Variants in ZNF469 observed in about 807,000 individuals in gnomAD.
ZNF469 encodes zinc finger protein 469.
ZNF469 carries 1 observed loss-of-function variant against 1.0 expected under a neutral mutation model. That is an observed-to-expected ratio of 1.00 (90% CI 0.35 to 4.73). ZNF469 has a LOEUF of 4.73. Ranked by LOEUF, ZNF469 falls within the 30% of genes most tolerant of loss-of-function variation. The pLI is 0.16. For missense variants in ZNF469, 6,100 were observed against 5,356.3 expected (o/e 1.14, Z -4.33); for synonymous variants, 2,703 against 2,363.4 (o/e 1.14, Z -4.17).
chr16:88,237,041 A>T, the ZNF469 span, among the ~76,000 whole-genome samples: 1 of 150,310 alleles, frequency 6.7e-6, no homozygotes, highest in Non-Finnish European at 1.5e-5. Flanking sequence ...CTCCAGTTCC[A>T]CTACTGAGAA....
the ZNF469 span, among the ~76,000 whole-genome samples, chr16:88,118,269 C>T: frequency 1.8e-4 from 27 of 152,226 alleles, no homozygotes; most frequent in Non-Finnish European, 3.5e-4. Flanking sequence ...AATCTTGCCT[C>T]GCAGCTTTTA....
Position 88,438,900 on chromosome 16 carries a change from G to C in ZNF469, c.11430G>C (p.Lys3810Asn). 1 of 1,550,586 alleles carries C rather than the reference G, an allele frequency of 6.4e-7. No individual in the cohort carries two copies. Among genetic ancestry groups the C allele is most frequent in the Middle Eastern group, 1.7e-4 (1 of 5,992 alleles). ...ACGGGAGCCTAGGTCCCAAGGAGAA[G>C]GGAGAGAGCAGTACGAAGAGGAAAA... The part of the protein sequence containing the change: ...GPHGSLGPKE[K>N]GESSTKRKKG... The change falls in exon 3 of 3, where the codon AAG (lysine) becomes AAC (asparagine). Residue 3810 changes from lysine (K) to asparagine (N), a missense_variant. Coordinates refer to ENST00000565624, the MANE Select transcript of ZNF469 (RefSeq NM_001367624.2).
chr16:88,348,011 C>T, the ZNF469 span, among the ~76,000 whole-genome samples: 1 of 152,260 alleles, frequency 6.6e-6, no homozygotes, highest in South Asian at 2.1e-4. Flanking sequence ...TGCACCCCCA[C>T]GTCCTCCTCG....
the ZNF469 span, among the ~76,000 whole-genome samples, chr16:88,312,021 A>G: frequency 6.6e-6 from 1 of 152,224 alleles, no homozygotes; most frequent in African/African-American, 2.4e-5. Context: ...GAGGCCTCAC[A>G]TTCATGGCAG....
At chr16:88,108,813 A>G in the ZNF469 span, among the ~76,000 whole-genome samples, 1 of 152,152 alleles carries the variant, frequency 6.6e-6, no homozygotes, top group Non-Finnish European at 1.5e-5. Flanking sequence ...GCTCCAGGGG[A>G]GTCCAGTGCC....
At chr16:88,200,493 C>G in the ZNF469 span, among the ~76,000 whole-genome samples, 1 of 152,238 alleles carries the variant, frequency 6.6e-6, no homozygotes, top group South Asian at 2.1e-4. Context: ...CCAGCCCCTA[C>G]GGTCTCTCCG....
the ZNF469 span, among the ~76,000 whole-genome samples, chr16:88,135,766 T>C: frequency 1.6e-3 from 229 of 140,384 alleles, 13 homozygotes; most frequent in African/African-American, 5.6e-3. Context: ...TTTTTTTTTT[T>C]TTTTTTTTTT....
chr16:88,326,211 T>C, the ZNF469 span, among the ~76,000 whole-genome samples: 1 of 152,236 alleles, frequency 6.6e-6, no homozygotes, highest in African/African-American at 2.4e-5. Context: ...GGGGTGGCTC[T>C]TTCCATGCTG....
At chr16:88,315,909 G>A in the ZNF469 span, among the ~76,000 whole-genome samples, 1 of 152,178 alleles carries the variant, frequency 6.6e-6, no homozygotes, top group East Asian at 1.9e-4. Flanking sequence ...GCCCGCCCAG[G>A]CTGCCTGCTC....
chr16:88,324,783 G>C, the ZNF469 span, among the ~76,000 whole-genome samples: 4 of 152,228 alleles, frequency 2.6e-5, no homozygotes, highest in Admixed American at 2.0e-4. Context: ...TGGTGCCGGT[G>C]GGTGTGTCTT....
the ZNF469 span, among the ~76,000 whole-genome samples, chr16:88,119,011 G>A: frequency 6.6e-6 from 1 of 152,198 alleles, no homozygotes; most frequent in Non-Finnish European, 1.5e-5. Context: ...GAGGCAGGGC[G>A]CTAGGCAGGA....
chr16:88,208,104 C>CT, the ZNF469 span, among the ~76,000 whole-genome samples: 1 of 151,770 alleles, frequency 6.6e-6, no homozygotes, highest in African/African-American at 2.4e-5. Context: ...GGACTCGTGG[C>CT]TTTTTAAAGA....
the ZNF469 span, among the ~76,000 whole-genome samples, chr16:88,334,161 G>T: frequency 2.6e-5 from 4 of 152,144 alleles, no homozygotes; most frequent in Non-Finnish European, 4.4e-5. Context: ...AGCTAAGGAA[G>T]TCTTGCTCTG....
chr16:88,186,024 C>G, the ZNF469 span, among the ~76,000 whole-genome samples: 1 of 152,256 alleles, frequency 6.6e-6, no homozygotes, highest in Non-Finnish European at 1.5e-5. Context: ...GCCCCCCTCC[C>G]TCTCACAGGC....
intron 2 of ZNF469, among the ~76,000 whole-genome samples, chr16:88,427,132 C>T (rs1366449562): frequency 1.3e-5 from 2 of 152,162 alleles, no homozygotes; most frequent in Non-Finnish European, 2.9e-5. Flanking sequence ...GGGAAGGGTC[C>T]CTGTTCCATC....
the ZNF469 span, among the ~76,000 whole-genome samples, chr16:88,176,510 C>T: frequency 6.6e-6 from 1 of 152,192 alleles, no homozygotes; most frequent in African/African-American, 2.4e-5. Flanking sequence ...CTGCCAGGAG[C>T]TTCTCCACTA....
the ZNF469 span, among the ~76,000 whole-genome samples, chr16:88,184,892 A>C: frequency 6.6e-6 from 1 of 152,232 alleles, no homozygotes; most frequent in African/African-American, 2.4e-5. Flanking sequence ...ACATAAATGC[A>C]ATCCACATGC....
At chr16:88,139,845 C>T in the ZNF469 span, among the ~76,000 whole-genome samples, 1,314 of 152,324 alleles carry the variant, frequency 8.6e-3, 12 homozygotes, top group Middle Eastern at 0.01. Flanking sequence ...AGCACAGAAT[C>T]CCTAAGACGG....
the ZNF469 span, among the ~76,000 whole-genome samples, chr16:88,377,187 G>A: frequency 2.6e-5 from 4 of 152,256 alleles, no homozygotes; most frequent in East Asian, 1.9e-4. Context: ...GGCACAGACC[G>A]TGTGTCCAAA....
Sources: allele counts gnomAD v4.1 joint callset (sites outside exome capture counted in the v4.1 genomes callset), GRCh38; gene constraint gnomAD v4.1.1; transcripts MANE v1.5; gene names NCBI Gene and HGNC (gene_info 2026-07-23, HGNC 2026-07-21).